CLINT1: variants seen among roughly 807,000 people sequenced by gnomAD.
CLINT1 encodes clathrin interactor 1, also known as clathrin interacting protein localized in the trans-Golgi region.
CLINT1 carries 15 observed loss-of-function variants against 70.4 expected under a neutral mutation model. The ratio of observed to expected loss-of-function variants is 0.21; its 90% CI spans 0.14 to 0.33. The LOEUF (loss-of-function observed/expected upper bound fraction) is 0.33, where lower values mean the gene tolerates loss of function less well. CLINT1 is among the 10% of genes least tolerant of loss of function. CLINT1 has a pLI of 1.00. For synonymous variants in CLINT1, 227 were observed against 254.7 expected (o/e 0.89, Z 1.04); for missense variants, 615 against 778.1 (o/e 0.79, Z 2.49).
intron 5 of CLINT1, among the ~76,000 whole-genome samples, chr5:157,811,540 AAAAAG>A (rs1561648881): frequency 6.6e-6 from 1 of 151,952 alleles, no homozygotes; most frequent in East Asian, 1.9e-4. Context: ...AAAAAAAAAA[AAAAAG>A]AAAAGAAAAA....
chr5:157,819,859 G>C (rs2113226321), intron 1 of CLINT1, among the ~76,000 whole-genome samples: 1 of 152,310 alleles, frequency 6.6e-6, no homozygotes, highest in African/African-American at 2.4e-5. Context: ...GTAGATTTCA[G>C]AACACTGCTT....
chr5:157,830,796 C>CTCTATATATATA (rs1300619885), intron 1 of CLINT1, among the ~76,000 whole-genome samples: 5 of 85,720 alleles, frequency 5.8e-5, no homozygotes, highest in Admixed American at 2.8e-4. Context: ...CTCTCTCTCT[C>CTCTATATATATA]TATATATATA....
At chr5:157,838,162 C>T (rs191828659) in intron 1 of CLINT1, among the ~76,000 whole-genome samples, 1 of 148,366 alleles carries the variant, frequency 6.7e-6, no homozygotes, top group East Asian at 2.0e-4. Context: ...GCTCTGTTGC[C>T]CAGGGGCTGG....
At chr5:157,836,217 C>A (rs1763418431) in intron 1 of CLINT1, among the ~76,000 whole-genome samples, 1 of 152,164 alleles carries the variant, frequency 6.6e-6, no homozygotes, top group African/African-American at 2.4e-5. Flanking sequence ...AGGCATTGTC[C>A]TAAGCCACGG....
At chr5:157,811,714 G>T (rs911091428) in intron 5 of CLINT1, among the ~76,000 whole-genome samples, 1 of 152,070 alleles carries the variant, frequency 6.6e-6, no homozygotes, top group Non-Finnish European at 1.5e-5. Context: ...GTTTGAAAAC[G>T]TATTCAATTT....
At position 157,808,526 on chromosome 5, in the gene CLINT1, A is replaced by G. The variant is rs1561646754; in HGVS notation, c.695+1102T>C. ...AAATTCTTATTCTACTCTAGTAGAG[A>G]TATTGTGAGGCACAAATGATAAAGG... On this transcript the variant is annotated intron_variant, in intron 6 of 11. Transcript: ENST00000411809. Among the ~76,000 whole-genome samples the G allele has an allele frequency of 2.0e-5, 3 of 152,122 alleles. No individual in the cohort carries two copies. The East Asian group carries it at 5.8e-4, about 29-fold the overall frequency.
chr5:157,791,560 C>A (rs140024543), intron 10 of CLINT1, 143 bp downstream of exon 10: 45 of 750,286 alleles, frequency 6.0e-5, no homozygotes, highest in Non-Finnish European at 9.2e-5. Context: ...TGTGCAAATG[C>A]GTATATATAC....
In CLINT1 at chr5:157,859,127, C is replaced by A. The variant is rs918973581; in HGVS notation, c.-157G>T. On this transcript the variant is annotated 5_prime_UTR_variant, in exon 1 of 12. Transcript: ENST00000411809. ...TCCTTTGCCACAGCAGCGGCGCCGC[C>A]GGTGACACGTCGAGACGCGGCAGCA... The A allele has an allele frequency of 7.3e-6, 5 of 685,446 alleles. No homozygotes were observed. The highest frequency in any genetic ancestry group is 4.3e-5 in the South Asian group (2 of 47,008). The allele number at this position is 685,446 out of a possible 1,614,324, so 42.5% of individuals were successfully genotyped here.
intron 1 of CLINT1, among the ~76,000 whole-genome samples, chr5:157,833,477 C>A (rs1243965680): frequency 6.6e-6 from 1 of 152,186 alleles, no homozygotes; most frequent in African/African-American, 2.4e-5. Flanking sequence ...GCCTTTTGCA[C>A]AGGCTATTCT....
chr5:157,856,670 G>T (rs552727908), intron 1 of CLINT1, among the ~76,000 whole-genome samples: 152 of 152,224 alleles, frequency 1.0e-3, no homozygotes, highest in Admixed American at 1.8e-3. Context: ...GTGAAAAGAT[G>T]AAAATTAAAA....
At chr5:157,836,201 T>C (rs1255219362) in intron 1 of CLINT1, among the ~76,000 whole-genome samples, 1 of 152,226 alleles carries the variant, frequency 6.6e-6, no homozygotes, top group East Asian at 1.9e-4. Flanking sequence ...ATAACTCTAA[T>C]GGGCCAGGCA....
intron 1 of CLINT1, among the ~76,000 whole-genome samples, chr5:157,840,983 C>A (rs1193326872): frequency 1.3e-5 from 2 of 152,142 alleles, no homozygotes; most frequent in Non-Finnish European, 2.9e-5. Flanking sequence ...TGGTTGTAGT[C>A]AGGTGCAGTG....
intron 1 of CLINT1, among the ~76,000 whole-genome samples, chr5:157,842,506 T>C (rs957856718): frequency 3.3e-5 from 5 of 152,198 alleles, no homozygotes; most frequent in Non-Finnish European, 7.3e-5. Context: ...TAATAAACAC[T>C]AGCAAAATGT....
intron 1 of CLINT1, 50 bp downstream of exon 1, chr5:157,858,880 T>TCCCCCCCCCCCCCCCCCCC: frequency 4.6e-6 from 1 of 216,822 alleles, no homozygotes; most frequent in South Asian, 3.2e-5. Context: ...CTTCTCCCCC[T>TCCCCCCCCCCCCCCCCCCC]CCCCCCTCCC....
chr5:157,815,447 T>C (rs770552228), intron 3 of CLINT1, among the ~76,000 whole-genome samples: 2 of 152,200 alleles, frequency 1.3e-5, no homozygotes, highest in Admixed American at 6.5e-5. Context: ...CAAAACTTTG[T>C]GAATATACTA....
intron 1 of CLINT1, among the ~76,000 whole-genome samples, chr5:157,828,171 C>G (rs909209048): frequency 6.6e-6 from 1 of 152,148 alleles, no homozygotes. Flanking sequence ...ATGACCTGGG[C>G]AGATGACAGG....
Position 157,803,772 on chromosome 5 carries a change from T to G in CLINT1, c.943-53A>C, listed in dbSNP as rs181660288. On this transcript the variant is annotated intron_variant, in intron 7 of 11. Coordinates refer to ENST00000411809, the MANE Select transcript of CLINT1 (RefSeq NM_014666.4). ...TTCGAAAAGTTTGTTTTTCTAAAAA[T>G]CAGCTCTATCCATCTCTAATTCTCA... The G allele has an allele frequency of 4.1e-5, 54 of 1,321,270 alleles. 1 individual carries two copies. The African/African-American group carries it at 7.7e-4, about 19-fold the overall frequency. The allele number at this position is 1,321,270 out of a possible 1,614,324, so 81.8% of individuals were successfully genotyped here. A position where few individuals can be genotyped will look rare whatever the true frequency, so the allele number is the denominator to read the frequency against.
intron 8 of CLINT1, among the ~76,000 whole-genome samples, chr5:157,802,869 G>C (rs1762270408): frequency 6.6e-6 from 1 of 152,064 alleles, no homozygotes; most frequent in Non-Finnish European, 1.5e-5. Flanking sequence ...ATGTTTGGTA[G>C]TTACATACTT....
chr5:157,829,689 A>ATTTTTTTTTT (rs3075709), intron 1 of CLINT1, among the ~76,000 whole-genome samples: 57 of 109,152 alleles, frequency 5.2e-4, no homozygotes, highest in African/African-American at 8.2e-4. Flanking sequence ...ACACCCAGCT[A>ATTTTTTTTTT]TTTTTTTTTT....
Sources: gnomAD v4.1 joint callset for allele counts (sites outside exome capture counted in the v4.1 genomes callset) on GRCh38, gnomAD v4.1.1 for gene constraint, MANE v1.5 for transcripts, NCBI Gene and HGNC (gene_info 2026-07-23, HGNC 2026-07-21) for gene names.